Variants in NEK10 observed in about 807,000 individuals in gnomAD.
The protein encoded by NEK10 is serine/threonine-protein kinase Nek10.
Under a neutral mutation model 159.8 loss-of-function variants are expected in NEK10, and 122 were observed. That is an observed-to-expected ratio of 0.76 (90% CI 0.66 to 0.89). NEK10 has a LOEUF of 0.89. Ranked by LOEUF, NEK10 falls within the 40% of genes least tolerant of loss-of-function variation. The pLI, the probability that NEK10 is intolerant of heterozygous loss-of-function variation, is 0.00. For missense variants in NEK10, 1,342 were observed against 1,323.1 expected, an observed-to-expected ratio of 1.01 and a Z score of -0.22; for synonymous variants, 466 against 457.1, an observed-to-expected ratio of 1.02 and a Z score of -0.25.
intron 6 of NEK10, among the ~76,000 whole-genome samples, chr3:27,317,357 C>A (rs184984380): frequency 6.6e-6 from 1 of 152,146 alleles, no homozygotes; most frequent in Admixed American, 6.5e-5. Flanking sequence ...TACAGCAATG[C>A]GCCCTGTGTG....
intron 1 of NEK10, among the ~76,000 whole-genome samples, chr3:27,365,801 C>T (rs1193572540): frequency 2.6e-5 from 4 of 151,678 alleles, no homozygotes; most frequent in Admixed American, 1.3e-4. Flanking sequence ...TTAATAGAGA[C>T]GGGGTTTCAC....
At chr3:27,296,095 G>T (rs1462212250) in intron 14 of NEK10, among the ~76,000 whole-genome samples, 1 of 151,896 alleles carries the variant, frequency 6.6e-6, no homozygotes, top group Non-Finnish European at 1.5e-5. Context: ...ATTAATTTAT[G>T]TCTTTATTAT....
At chr3:27,169,288 G>T (rs1339253660) in intron 29 of NEK10, among the ~76,000 whole-genome samples, 1 of 152,196 alleles carries the variant, frequency 6.6e-6, no homozygotes, top group Non-Finnish European at 1.5e-5. Flanking sequence ...AAGCCCTAAA[G>T]ATCCTTTGGA....
intron 24 of NEK10, 70 bp downstream of exon 24, chr3:27,202,358 A>T: frequency 1.4e-6 from 2 of 1,444,232 alleles, no homozygotes; most frequent in Non-Finnish European, 1.9e-6. Context: ...AATCACAAAG[A>T]TCTGTTTAAT....
At chr3:27,205,589 G>C (rs1471381117) in intron 23 of NEK10, among the ~76,000 whole-genome samples, 4 of 136,150 alleles carry the variant, frequency 2.9e-5, no homozygotes, top group South Asian at 2.4e-4. Flanking sequence ...ACAAACCTGA[G>C]AAAAACAAGC....
intron 1 of NEK10, among the ~76,000 whole-genome samples, chr3:27,354,171 T>C (rs143339103): frequency 1.6e-4 from 24 of 152,278 alleles, no homozygotes; most frequent in Non-Finnish European, 3.1e-4. Context: ...GACTATAGTT[T>C]AGAAGCAGAA....
rs137866703 is a variant in NEK10, at chr3:27,265,965, C to T, written c.2015-9594G>A. Among the ~76,000 whole-genome samples, 140 of 152,038 alleles carry T rather than the reference C, an allele frequency of 9.2e-4. 2 individuals are homozygous for T. In the East Asian group the frequency reaches 0.022, roughly 24 times the overall value. ...GGGACTACAGGTGTCCGCCACCACGCCCGGCTAATTTTTTTGTATTTTTAG... is the reference window on the plus strand; with the variant it reads ...GGGACTACAGGTGTCCGCCACCACGTCCGGCTAATTTTTTTGTATTTTTAG... On this transcript the variant is annotated intron_variant, in intron 22 of 35. Coordinates refer to ENST00000691995, the MANE Select transcript of NEK10 (RefSeq NM_001394966.1).
intron 26 of NEK10, 118 bp from the exon 27 acceptor site, chr3:27,174,951 G>A: frequency 1.2e-6 from 1 of 812,440 alleles, no homozygotes; most frequent in South Asian, 2.0e-5. Context: ...GTTTGATGCA[G>A]AAGACGCATC....
In NEK10 at chr3:27,306,777, C is replaced by T. The variant is rs537845967; in HGVS notation, c.803+1082G>A. On this transcript the variant is annotated intron_variant, in intron 11 of 35. Transcript: ENST00000691995. ...GTCTTGGCATATAGAAAACACTGAT[C>T]AAAGTTAGCTACATTTTAAATTTAT... 1.8e-4 allele frequency among the ~76,000 whole-genome samples: 27 copies of T among 152,302 alleles called. No individual in the cohort carries two copies. In the South Asian group the frequency reaches 3.9e-3, roughly 22 times the overall value.
At chr3:27,310,349 T>C (rs1246803519) in intron 9 of NEK10, 1 of 152,230 alleles carries the variant, frequency 6.6e-6, no homozygotes, top group Non-Finnish European at 1.5e-5. Context: ...TTGACCTGTG[T>C]ATCACCTAGA....
intron 20 of NEK10, among the ~76,000 whole-genome samples, chr3:27,286,079 C>CTTTTTTTTTTTTTTTTTTTTT (rs35663067): frequency 3.5e-5 from 2 of 57,710 alleles, no homozygotes; most frequent in Non-Finnish European, 5.9e-5. Context: ...ATTTCCAATT[C>CTTTTTTTTTTTTTTTTTTTTT]TTTTTTTTTT....
intron 23 of NEK10, among the ~76,000 whole-genome samples, chr3:27,204,598 T>C (rs546017567): frequency 8.0e-6 from 1 of 125,516 alleles, no homozygotes; most frequent in African/African-American, 2.9e-5. Flanking sequence ...CTGAGAATGA[T>C]GATTTCCAAT....
intron 22 of NEK10, among the ~76,000 whole-genome samples, chr3:27,270,659 C>G (rs2041265547): frequency 6.6e-6 from 1 of 152,092 alleles, no homozygotes; most frequent in Non-Finnish European, 1.5e-5. Context: ...CCCTCCATCT[C>G]TCCTCATGAA....
chr3:27,119,533 G>C (rs924944229), intron 33 of NEK10, among the ~76,000 whole-genome samples: 1 of 152,098 alleles, frequency 6.6e-6, no homozygotes, highest in African/African-American at 2.4e-5. Flanking sequence ...AGATTCTGCT[G>C]TTTGTTTATG....
chr3:27,325,730 T>C (rs491976), intron 5 of NEK10, among the ~76,000 whole-genome samples: 97,035 of 152,016 alleles, frequency 0.64, 33,275 homozygotes, highest in African/African-American at 0.91. Flanking sequence ...CTTCCCAAAG[T>C]CTTATACTCC....
intron 23 of NEK10, among the ~76,000 whole-genome samples, chr3:27,233,840 C>A (rs542455571): frequency 3.3e-5 from 5 of 152,096 alleles, no homozygotes; most frequent in Admixed American, 1.3e-4. Flanking sequence ...AGGCCAATAT[C>A]CTTGATGAAC....
rs181420911 is a variant in NEK10, at chr3:27,168,558, T to C, written c.2831+3261A>G. Among the ~76,000 whole-genome samples, 11 of 152,302 alleles carry C rather than the reference T, an allele frequency of 7.2e-5. No individual in the cohort carries two copies. In the East Asian group the frequency reaches 1.9e-3, roughly 27 times the overall value. On this transcript the variant is annotated intron_variant, in intron 29 of 35. Coordinates refer to ENST00000691995, the MANE Select transcript of NEK10 (RefSeq NM_001394966.1). ...GATTACCTGGGAGGGAGTCAAAAGTTATTAATTTTCTCTCCTCTTATTTGG... is the reference window on the plus strand; with the variant it reads ...GATTACCTGGGAGGGAGTCAAAAGTCATTAATTTTCTCTCCTCTTATTTGG...
rs1012237197 is a variant in NEK10 at position 27,291,160 on chromosome 3, T to C, written c.1605+102A>G. ...TTCTAATTTTCATATCTGTTTGCTATTTTTCAATGACAAGAGTTCTAATTC... is the reference window on the plus strand; with the variant it reads ...TTCTAATTTTCATATCTGTTTGCTACTTTTCAATGACAAGAGTTCTAATTC... On this transcript the variant is annotated intron_variant, in intron 18 of 35. Coordinates refer to ENST00000691995, the MANE Select transcript of NEK10 (RefSeq NM_001394966.1). 5.5e-6 allele frequency: 6 copies of C among 1,099,764 alleles called. No homozygotes were observed. In the Admixed American group the frequency reaches 7.9e-5, roughly 14 times the overall value. 68.1% of individuals were successfully genotyped at this position (1,099,764 alleles called of 1,614,324 possible). A position where few individuals can be genotyped will look rare whatever the true frequency, so the allele number is the denominator to read the frequency against.
chr3:27,287,669 T>C, intron 20 of NEK10, 29 bp downstream of exon 20: 2 of 1,554,402 alleles, frequency 1.3e-6, no homozygotes, highest in Non-Finnish European at 1.7e-6. Context: ...GTTTCCTTAT[T>C]TAGAAATATC....
Sources: gnomAD v4.1 joint callset for allele counts (sites outside exome capture counted in the v4.1 genomes callset) on GRCh38, gnomAD v4.1.1 for gene constraint, MANE v1.5 for transcripts, NCBI Gene and HGNC (gene_info 2026-07-23, HGNC 2026-07-21) for gene names.